Variants in BAZ1A observed in about 807,000 individuals in gnomAD.
The protein encoded by BAZ1A is bromodomain adjacent to zinc finger domain protein 1A.
A neutral mutation model predicts 185.2 loss-of-function variants in BAZ1A; 50 were observed. That is an observed-to-expected ratio of 0.27 (90% confidence interval 0.22 to 0.34). BAZ1A has a LOEUF of 0.34. Ranked by LOEUF, BAZ1A falls within the 10% of genes least tolerant of loss-of-function variation. BAZ1A has a pLI of 1.00. For synonymous variants in BAZ1A, 571 were observed against 615.6 expected (o/e 0.93, Z 1.07); for missense variants, 1,356 against 1,839.9 (o/e 0.74, Z 4.81).
Position 34,874,778 on chromosome 14 carries a change from G to A in BAZ1A, c.-58-116C>T. On this transcript the variant is annotated intron_variant, in intron 1 of 26. Transcript: ENST00000360310. The surrounding 1 kb of genome is among the most constrained non-coding windows in gnomAD (Gnocchi z 4.7). The stretch of plus-strand genomic sequence containing the variant: ...GCCTTTTGTGTGACTGACGCGCCGC[G>A]GCCGCTACCGGAGCCGAGTTCGTTC... 1.9e-6 allele frequency: 1 copy of A among 526,986 alleles called. No homozygotes were observed. Among genetic ancestry groups the A allele is most frequent in the Non-Finnish European group, 3.3e-6 (1 of 304,238 alleles). 32.6% of individuals were successfully genotyped at this position (526,986 alleles called of 1,614,324 possible). A position where few individuals can be genotyped will look rare whatever the true frequency, so the allele number is the denominator to read the frequency against.
In BAZ1A at chr14:34,865,595, C is replaced by T. The variant is rs537761061; in HGVS notation, c.114-3273G>A. On this transcript the variant is annotated intron_variant, in intron 2 of 26. Coordinates refer to ENST00000360310, the MANE Select transcript of BAZ1A (RefSeq NM_013448.3). The stretch of plus-strand genomic sequence containing the variant: ...GAACAACTTTTTAAAAAGGTATCTA[C>T]GGAAATAAAGCAAGAGAAACTAATC... 7.3e-4 allele frequency among the ~76,000 whole-genome samples: 111 copies of T among 152,106 alleles called. 1 individual carries two copies. The highest frequency in any genetic ancestry group is 2.6e-4 in the Admixed American group (4 of 15,282).
At chr14:34,788,480 T>C (rs1880636319) in intron 12 of BAZ1A, among the ~76,000 whole-genome samples, 1 of 152,052 alleles carries the variant, frequency 6.6e-6, no homozygotes, top group African/African-American at 2.4e-5. Flanking sequence ...GTTTTTGTAT[T>C]TTTTGTAGAG....
In BAZ1A at chr14:34,862,409, A is replaced by T. The variant is rs756743892; in HGVS notation, c.114-87T>A. ...TAAAAACTGATAGCATTATCAGGTTATTTTTGTGCCTTTAATGCAAAATTT... is the reference window on the plus strand; with the variant it reads ...TAAAAACTGATAGCATTATCAGGTTTTTTTTGTGCCTTTAATGCAAAATTT... On this transcript the variant is annotated intron_variant, in intron 2 of 26. Coordinates refer to ENST00000360310, the MANE Select transcript of BAZ1A (RefSeq NM_013448.3). 2.7e-6 allele frequency: 4 copies of T among 1,460,014 alleles called. No individual in the cohort carries two copies. The African/African-American group carries it at 5.7e-5, about 21-fold the overall frequency. The allele number at this position is 1,460,014 out of a possible 1,614,324, so 90.4% of individuals were successfully genotyped here.
At chr14:34,796,798 ATAGT>A (rs1358285301) in intron 9 of BAZ1A, among the ~76,000 whole-genome samples, 28 of 152,232 alleles carry the variant, frequency 1.8e-4, no homozygotes, top group African/African-American at 6.3e-4. Flanking sequence ...AAACGCCTAG[ATAGT>A]TACGGAACTT....
chr14:34,849,302 A>C (rs1433930886), intron 3 of BAZ1A, among the ~76,000 whole-genome samples: 2 of 152,208 alleles, frequency 1.3e-5, no homozygotes, highest in Non-Finnish European at 2.9e-5. Context: ...GGGAAAAAGA[A>C]GACAAAAAGG....
At chr14:34,844,814 A>C (rs552390500) in intron 3 of BAZ1A, among the ~76,000 whole-genome samples, 8 of 146,782 alleles carry the variant, frequency 5.5e-5, no homozygotes, top group East Asian at 2.1e-4. Context: ...CACACACACA[A>C]AATCCAACAT....
intron 5 of BAZ1A, among the ~76,000 whole-genome samples, chr14:34,808,668 G>A (rs755142892): frequency 7.2e-5 from 11 of 152,112 alleles, no homozygotes; most frequent in Non-Finnish European, 1.0e-4. Context: ...CAGCAAATTA[G>A]TGGGATGAAA....
chr14:34,781,084 C>A (rs1422976311), intron 16 of BAZ1A, among the ~76,000 whole-genome samples: 1 of 152,052 alleles, frequency 6.6e-6, no homozygotes, highest in Admixed American at 6.6e-5. Context: ...CAAATTAAAA[C>A]TAAAATTATA....
chr14:34,807,428 AAAT>A lies in BAZ1A; in HGVS notation c.726+20_726+22del. 6.4e-7 allele frequency: 1 copy of A among 1,552,878 alleles called. No homozygotes were observed. Among genetic ancestry groups the A allele is most frequent in the Non-Finnish European group, 8.8e-7 (1 of 1,131,534 alleles). On this transcript the variant is annotated intron_variant, in intron 6 of 26. Transcript: ENST00000360310. ...CCCATTTTGTTTTCTGTCTTCCAAC[AAAT>A]AATTTCATTATTTGATTACCTTTAT...
At chr14:34,767,980 G>A (rs986072627) in intron 21 of BAZ1A, among the ~76,000 whole-genome samples, 2 of 152,108 alleles carry the variant, frequency 1.3e-5, no homozygotes, top group African/African-American at 4.8e-5. Context: ...CATAATGAAT[G>A]TGCCTATTTT....
chr14:34,873,802 T>A (rs1045593029), intron 2 of BAZ1A, among the ~76,000 whole-genome samples: 1 of 151,792 alleles, frequency 6.6e-6, no homozygotes, highest in Admixed American at 6.6e-5. Flanking sequence ...GAAGAGGCGG[T>A]GACAGAGAGC....
At chr14:34,784,549 G>A (rs370774747) in intron 14 of BAZ1A, among the ~76,000 whole-genome samples, 4 of 151,528 alleles carry the variant, frequency 2.6e-5, no homozygotes, top group South Asian at 2.1e-4. Context: ...ACGGAGTCTC[G>A]CTCTGACGCC....
At chr14:34,837,052 C>T (rs190057866) in intron 3 of BAZ1A, among the ~76,000 whole-genome samples, 1 of 151,702 alleles carries the variant, frequency 6.6e-6, no homozygotes, top group Non-Finnish European at 1.5e-5. Flanking sequence ...GGATTACAGG[C>T]ATGAGCAACC....
Position 34,874,688 on chromosome 14 carries a change from G to C in BAZ1A, c.-58-26C>G, listed in dbSNP as rs1270355541. On this transcript the variant is annotated intron_variant, in intron 1 of 26. Coordinates refer to ENST00000360310, the MANE Select transcript of BAZ1A (RefSeq NM_013448.3). The surrounding 1 kb of genome is among the most constrained non-coding windows in gnomAD (Gnocchi z 4.7). The stretch of plus-strand genomic sequence containing the variant: ...CTATCAAAATTGGAGGGAAAGGAAA[G>C]CCGGTAAGGTGGGGAGCCCTCGGCG... 1 of 1,245,836 alleles carries C rather than the reference G, an allele frequency of 8.0e-7. No homozygotes were observed. Among genetic ancestry groups the C allele is most frequent in the African/African-American group, 1.5e-5 (1 of 64,592 alleles). The allele number at this position is 1,245,836 out of a possible 1,614,324, so 77.2% of individuals were successfully genotyped here.
At chr14:34,800,437 C>T (rs756330391) in intron 8 of BAZ1A, 47 bp from the exon 9 acceptor site, 1 of 1,387,500 alleles carries the variant, frequency 7.2e-7, no homozygotes, top group South Asian at 1.5e-5. Flanking sequence ...GACAAAATAA[C>T]ACTTGGCAAT....
chr14:34,779,406 G>A (rs1161886367), intron 17 of BAZ1A, among the ~76,000 whole-genome samples: 1 of 145,234 alleles, frequency 6.9e-6, no homozygotes, highest in Non-Finnish European at 1.5e-5. Context: ...TTTCTCTTTT[G>A]ACCCAATATT....
intron 3 of BAZ1A, among the ~76,000 whole-genome samples, chr14:34,843,950 A>G (rs992799056): frequency 5.9e-5 from 9 of 152,222 alleles, no homozygotes; most frequent in Non-Finnish European, 1.2e-4. Flanking sequence ...TCACGCCTGT[A>G]ATCCCAGCAC....
intron 3 of BAZ1A, among the ~76,000 whole-genome samples, chr14:34,841,243 G>C (rs2042409814): frequency 6.6e-6 from 1 of 152,148 alleles, no homozygotes; most frequent in Non-Finnish European, 1.5e-5. Flanking sequence ...CATATCTTTG[G>C]AGAGAAAACT....
chr14:34,813,186 CA>C (rs1318673262), intron 4 of BAZ1A, among the ~76,000 whole-genome samples: 1 of 150,712 alleles, frequency 6.6e-6, no homozygotes, highest in Non-Finnish European at 1.5e-5. Context: ...AGTTTGAGAC[CA>C]ACCTTGGCAA....
Sources: gnomAD v4.1 joint callset for allele counts (sites outside exome capture counted in the v4.1 genomes callset) on GRCh38, gnomAD v4.1.1 for gene constraint, Gnocchi (gnomAD v3.1) non-coding constraint, MANE v1.5 for transcripts, NCBI Gene and HGNC (gene_info 2026-07-23, HGNC 2026-07-21) for gene names.